The following RBM38 variants were observed in gnomAD, a reference collection of about 807,000 sequenced individuals.
RBM38 encodes the protein RNA-binding protein 38.
Under a neutral mutation model 23.5 loss-of-function variants are expected in RBM38, and 11 were observed. The ratio of observed to expected loss-of-function variants is 0.47; its 90% CI spans 0.29 to 0.77. The LOEUF (loss-of-function observed/expected upper bound fraction) is 0.77. Ranked by LOEUF, RBM38 falls within the 30% of genes least tolerant of loss-of-function variation. RBM38 has a pLI of 0.08. For missense variants in RBM38, 330 were observed against 351.9 expected (o/e 0.94, Z 0.50); for synonymous variants, 165 against 166.1 (o/e 0.99, Z 0.05).
chr20:57,395,839 ACAGCCGGGCCTGACTCAGCGGC>A (rs2067269463), intron 3 of RBM38, among the ~76,000 whole-genome samples: 11 of 152,190 alleles, frequency 7.2e-5, no homozygotes, highest in Admixed American at 7.2e-4. Context: ...CCCCGGGAGC[ACAGCCGGGCCTGACTCAGCGGC>A]CAGTTTTGTC....
rs147354097 is a variant in RBM38 at position 57,393,389 on chromosome 20, G to A, written c.416+56G>A. 7.1e-4 allele frequency: 1,108 copies of A among 1,552,716 alleles called. 19 individuals are homozygous for A. The East Asian group carries it at 0.015, about 22-fold the overall frequency. On this transcript the variant is annotated intron_variant, in intron 3 of 3. Coordinates refer to ENST00000356208, the MANE Select transcript of RBM38 (RefSeq NM_017495.6). ...AGTCCGTGGAGATGAAGTGGAGAGG[G>A]CCTTGGGCTTCCTGGGTCTGGAAGG...
rs189521498 is a variant in RBM38 at position 57,408,009 on chromosome 20, C to A, written c.*163C>A. ...GCATTCCGCCTGCGCCCTGGGACAG[C>A]GGAGAGACGGCTTCTCTTTAATCTA... is the stretch of plus-strand genomic sequence containing the variant. On this transcript the variant is annotated 3_prime_UTR_variant, in exon 4 of 4. Coordinates refer to ENST00000356208, the MANE Select transcript of RBM38 (RefSeq NM_017495.6). The A allele has an allele frequency of 5.9e-5, 46 of 783,464 alleles. No homozygotes were observed. The Middle Eastern group carries it at 1.5e-3, about 25-fold the overall frequency. 48.5% of individuals were successfully genotyped at this position (783,464 alleles called of 1,614,324 possible).
intron 3 of RBM38, among the ~76,000 whole-genome samples, chr20:57,393,672 A>C (rs1396027555): frequency 6.6e-6 from 1 of 152,176 alleles, no homozygotes; most frequent in East Asian, 1.9e-4. Context: ...TGGTGCAGGT[A>C]ACGCCCTCTT....
intron 3 of RBM38, among the ~76,000 whole-genome samples, chr20:57,398,603 GC>G (rs541148455): frequency 6.6e-6 from 1 of 152,378 alleles, no homozygotes; most frequent in Non-Finnish European, 1.5e-5. Flanking sequence ...CCAGGCGTGG[GC>G]TGCACCGTGG....
chr20:57,402,717 G>A (rs1195636731), intron 3 of RBM38, among the ~76,000 whole-genome samples: 1 of 152,260 alleles, frequency 6.6e-6, no homozygotes, highest in Non-Finnish European at 1.5e-5. Flanking sequence ...TGGGCCTGCG[G>A]CCGGGGCGGG....
At chr20:57,392,440 A>G in intron 1 of RBM38, 1 of 1,531,008 alleles carries the variant, frequency 6.5e-7, no homozygotes, top group East Asian at 2.5e-5. Flanking sequence ...CAGGCCTTGA[A>G]CTTTGACGGG....
chr20:57,404,953 G>A (rs750183045), intron 3 of RBM38, among the ~76,000 whole-genome samples: 2 of 152,198 alleles, frequency 1.3e-5, no homozygotes, highest in African/African-American at 4.8e-5. Flanking sequence ...AGACCCGGCC[G>A]CCCCCATGGT....
At chr20:57,392,303 CCTT>C (rs895060414) in intron 1 of RBM38, 59 of 744,614 alleles carry the variant, frequency 7.9e-5, no homozygotes, top group Admixed American at 1.6e-4. Context: ...GTCGCAAACT[CCTT>C]CTCAGAGGAA....
chr20:57,406,217 G>C (rs533350055), intron 3 of RBM38, among the ~76,000 whole-genome samples: 1 of 152,314 alleles, frequency 6.6e-6, no homozygotes, highest in Non-Finnish European at 1.5e-5. Flanking sequence ...TTAGCGGCTT[G>C]CCCCAGGCCA....
intron 3 of RBM38, among the ~76,000 whole-genome samples, chr20:57,402,192 G>A (rs868165899): frequency 6.6e-6 from 1 of 152,178 alleles, no homozygotes; most frequent in African/African-American, 2.4e-5. Flanking sequence ...TGATCCGCCC[G>A]CCTCGGCCTC....
chr20:57,394,991 C>T (rs55645265), intron 3 of RBM38, among the ~76,000 whole-genome samples: 2,084 of 152,336 alleles, frequency 0.014, 42 homozygotes, highest in African/African-American at 0.048. Context: ...GAGGTGGGTT[C>T]GAATCCTGAC....
intron 3 of RBM38, chr20:57,400,099 G>C (rs928673931): frequency 1.9e-5 from 8 of 427,818 alleles, no homozygotes; most frequent in African/African-American, 1.4e-4. Flanking sequence ...TCTGTCTTGG[G>C]GGCAATCTGT....
Position 57,392,752 on chromosome 20 carries a change from C to T in RBM38, c.336C>T (p.Gly112=), listed in dbSNP as rs753581518. Residue 112 remains glycine (G), a synonymous_variant, in exon 2 of 4, where the codon GGC becomes GGT. Transcript: ENST00000356208. Reference sequence around the variant, plus strand: ...CCAACGTGAACCTGGCATATCTGGGCGCCAAGCCGCGGAGCCTCCAGACGG... The same window carrying T: ...CCAACGTGAACCTGGCATATCTGGGTGCCAAGCCGCGGAGCCTCCAGACGG... The part of the protein sequence containing the change: ...RKANVNLAYL[G]AKPRSLQTGF... The T allele has an allele frequency of 4.3e-6, 7 of 1,612,930 alleles. No homozygotes were observed. The highest frequency in any genetic ancestry group is 4.0e-5 in the African/African-American group (3 of 74,946).
intron 3 of RBM38, among the ~76,000 whole-genome samples, chr20:57,402,065 G>A (rs548489436): frequency 3.3e-5 from 5 of 152,100 alleles, no homozygotes; most frequent in East Asian, 3.9e-4. Flanking sequence ...CTCCTGCCTC[G>A]GCCTCCTGAG....
At chr20:57,399,785 C>G (rs958553859) in intron 3 of RBM38, 2 of 422,368 alleles carry the variant, frequency 4.7e-6, no homozygotes, top group East Asian at 7.1e-5. Flanking sequence ...GCCTGCCAGG[C>G]GCCTCGGGGA....
At chr20:57,397,398 A>G (rs2067284971) in intron 3 of RBM38, among the ~76,000 whole-genome samples, 1 of 152,192 alleles carries the variant, frequency 6.6e-6, no homozygotes, top group African/African-American at 2.4e-5. Context: ...CTCTGGCTAG[A>G]TGGCAGCTCT....
chr20:57,397,818 C>T (rs746690444), intron 3 of RBM38, among the ~76,000 whole-genome samples: 2 of 152,230 alleles, frequency 1.3e-5, no homozygotes, highest in Admixed American at 6.5e-5. Flanking sequence ...TCCCCGATCT[C>T]GTGCTCACAT....
intron 1 of RBM38, chr20:57,392,214 C>G (rs959103793): frequency 1.5e-5 from 5 of 343,660 alleles, no homozygotes; most frequent in African/African-American, 4.4e-5. Flanking sequence ...TTTAACAGCC[C>G]TCTCAGCCGC....
chr20:57,394,532 G>A (rs544745879), intron 3 of RBM38, among the ~76,000 whole-genome samples: 1 of 152,192 alleles, frequency 6.6e-6, no homozygotes, highest in Non-Finnish European at 1.5e-5. Flanking sequence ...CTTCTAGCCT[G>A]TGCGAGTGGC....
Sources: gnomAD v4.1 joint callset for allele counts (sites outside exome capture counted in the v4.1 genomes callset) on GRCh38, gnomAD v4.1.1 for gene constraint, MANE v1.5 for transcripts, NCBI Gene and HGNC (gene_info 2026-07-23, HGNC 2026-07-21) for gene names.